The following GSG1L variants were observed in gnomAD, a reference collection of about 807,000 sequenced individuals.
GSG1L encodes the protein germ cell-specific gene 1-like protein.
Under a neutral mutation model 42.1 loss-of-function variants are expected in GSG1L, and 24 were observed. The observed-to-expected ratio is 0.57, with a 90% CI of 0.41 to 0.80. The LOEUF (loss-of-function observed/expected upper bound fraction) is 0.80, where lower values mean the gene tolerates loss of function less well. Among genes scored for constraint, GSG1L ranks in the 30% least tolerant of loss-of-function variants. The pLI, the probability that GSG1L is intolerant of heterozygous loss-of-function variation, is 0.00. For synonymous variants in GSG1L, 215 were observed against 203.5 expected (o/e 1.06, Z -0.48); for missense variants, 445 against 472.2 (o/e 0.94, Z 0.53).
intron 4 of GSG1L, among the ~76,000 whole-genome samples, chr16:27,842,137 T>A (rs1423870123): frequency 8.5e-6 from 1 of 117,126 alleles, no homozygotes; most frequent in East Asian, 2.3e-4. Flanking sequence ...AGTAGCACGA[T>A]GTCGCGCGTG....
intron 1 of GSG1L, among the ~76,000 whole-genome samples, chr16:28,049,689 A>G (rs968853952): frequency 6.7e-6 from 1 of 149,198 alleles, no homozygotes; most frequent in Non-Finnish European, 1.5e-5. Context: ...CCTGTCTCAA[A>G]AAAAAAAAAA....
At chr16:27,804,673 A>C in intron 6 of GSG1L, among the ~76,000 whole-genome samples, 1 of 122,168 alleles carries the variant, frequency 8.2e-6, no homozygotes, top group Non-Finnish European at 1.7e-5. Context: ...GGGTCTGATG[A>C]TTCTTTCACA....
intron 1 of GSG1L, among the ~76,000 whole-genome samples, chr16:28,042,146 A>G (rs1202159475): frequency 6.6e-6 from 1 of 152,190 alleles, no homozygotes; most frequent in African/African-American, 2.4e-5. Context: ...TAGTAAAGTC[A>G]TAAAATGGGC....
intron 4 of GSG1L, among the ~76,000 whole-genome samples, chr16:27,841,468 T>C (rs766293886): frequency 4.6e-5 from 7 of 152,198 alleles, no homozygotes; most frequent in Non-Finnish European, 1.0e-4. Context: ...AGCTTGTTCT[T>C]CCCTGCTGGG....
chr16:28,026,285 GC>G (rs2085900160), intron 1 of GSG1L, among the ~76,000 whole-genome samples: 1 of 152,154 alleles, frequency 6.6e-6, no homozygotes, highest in African/African-American at 2.4e-5. Flanking sequence ...ACAGCAGCAA[GC>G]TTAAGAGGAA....
At chr16:27,869,650 T>G (rs1427003628) in intron 3 of GSG1L, among the ~76,000 whole-genome samples, 1 of 145,570 alleles carries the variant, frequency 6.9e-6, no homozygotes, top group East Asian at 2.1e-4. Flanking sequence ...CTCTCCTCTC[T>G]GTCTTCCTCC....
chr16:27,846,103 C>T (rs962113499), intron 3 of GSG1L, among the ~76,000 whole-genome samples: 24 of 152,106 alleles, frequency 1.6e-4, no homozygotes, highest in Admixed American at 9.8e-4. Flanking sequence ...TTAAAGGACA[C>T]TTTTATACCA....
intron 5 of GSG1L, among the ~76,000 whole-genome samples, chr16:27,820,357 G>T (rs1273753793): frequency 1.3e-5 from 2 of 152,126 alleles, no homozygotes; most frequent in Non-Finnish European, 2.9e-5. Flanking sequence ...AGGAGAAGTG[G>T]CTGTGGGAGC....
At chr16:27,870,703 C>T (rs1441987963) in intron 3 of GSG1L, among the ~76,000 whole-genome samples, 1 of 151,590 alleles carries the variant, frequency 6.6e-6, no homozygotes, top group Non-Finnish European at 1.5e-5. Context: ...AATGCTCTTG[C>T]CCTCATGGGA....
At chr16:27,851,499 C>T (rs1292932438) in intron 3 of GSG1L, among the ~76,000 whole-genome samples, 1 of 152,090 alleles carries the variant, frequency 6.6e-6, no homozygotes, top group Non-Finnish European at 1.5e-5. Context: ...CCTGCTGGAT[C>T]TGAGTTCTTA....
chr16:27,999,717 AC>A (rs2085561032), intron 1 of GSG1L, among the ~76,000 whole-genome samples: 1 of 152,190 alleles, frequency 6.6e-6, no homozygotes, highest in Non-Finnish European at 1.5e-5. Context: ...AGCTGCTGTT[AC>A]AAACACCTCA....
intron 4 of GSG1L, among the ~76,000 whole-genome samples, chr16:27,839,401 T>C (rs1467143918): frequency 6.6e-6 from 1 of 152,236 alleles, no homozygotes; most frequent in Non-Finnish European, 1.5e-5. Flanking sequence ...GATTTCACTG[T>C]GTGTGCAGGA....
chr16:27,873,005 C>A (rs893603841), intron 3 of GSG1L, among the ~76,000 whole-genome samples: 1 of 152,216 alleles, frequency 6.6e-6, no homozygotes, highest in African/African-American at 2.4e-5. Context: ...AATAAAGTTG[C>A]TTTCACTTTA....
chr16:27,793,913 T>C (rs2082787706), intron 6 of GSG1L, among the ~76,000 whole-genome samples: 1 of 152,236 alleles, frequency 6.6e-6, no homozygotes, highest in African/African-American at 2.4e-5. Flanking sequence ...AAATGTCTTG[T>C]GGGCCCAAGC....
intron 2 of GSG1L, among the ~76,000 whole-genome samples, chr16:27,902,943 G>A (rs1221206151): frequency 3.3e-5 from 5 of 152,124 alleles, no homozygotes; most frequent in Non-Finnish European, 1.5e-5. Flanking sequence ...GGAGGTGGCA[G>A]TGGAAGGCAG....
At position 27,925,732 on chromosome 16, in the gene GSG1L, T is replaced by C. The variant is rs138177081; in HGVS notation, c.397+37424A>G. Among the ~76,000 whole-genome samples, 376 of 152,236 alleles carry C rather than the reference T, an allele frequency of 2.5e-3. 4 individuals carry two copies. Among genetic ancestry groups the C allele is most frequent in the African/African-American group, 8.7e-3 (362 of 41,548 alleles). On this transcript the variant is annotated intron_variant, in intron 2 of 6. Transcript: ENST00000447459. ...GAGCTTCACGGAACCAGTAGGTGCC[T>C]TCACGTTAGGACAGGAACCGAGGGG...
At chr16:27,978,647 C>T (rs542734595) in intron 1 of GSG1L, among the ~76,000 whole-genome samples, 25 of 145,672 alleles carry the variant, frequency 1.7e-4, no homozygotes, top group Admixed American at 3.5e-4. Flanking sequence ...GCAGAGATCT[C>T]GCCACTGCAC....
At chr16:27,791,947 C>T (rs1172836370) in intron 6 of GSG1L, among the ~76,000 whole-genome samples, 1 of 152,058 alleles carries the variant, frequency 6.6e-6, no homozygotes. Context: ...CCCATGCCCA[C>T]CTGACAGCCA....
At chr16:27,869,616 T>C (rs2083779272) in intron 3 of GSG1L, among the ~76,000 whole-genome samples, 1 of 140,224 alleles carries the variant, frequency 7.1e-6, no homozygotes, top group Non-Finnish European at 1.5e-5. Flanking sequence ...TCCATCTCTC[T>C]CTCCTCTCTG....
Sources: gnomAD v4.1 joint callset for allele counts (sites outside exome capture counted in the v4.1 genomes callset) on GRCh38, gnomAD v4.1.1 for gene constraint, MANE v1.5 for transcripts, NCBI Gene and HGNC (gene_info 2026-07-23, HGNC 2026-07-21) for gene names.